Variants in ZMAT1 observed in about 807,000 individuals in gnomAD.
ZMAT1 encodes zinc finger matrin-type protein 1.
Under a neutral mutation model 18.5 loss-of-function variants are expected in ZMAT1, and 11 were observed. The ratio of observed to expected loss-of-function variants is 0.59; its 90% CI spans 0.37 to 0.98. The LOEUF is 0.98. ZMAT1 is among the 50% of genes least tolerant of loss of function. ZMAT1 has a pLI of 0.01. For missense variants in ZMAT1, 525 were observed against 496.2 expected (o/e 1.06, Z -0.55); for synonymous variants, 211 against 176.4 (o/e 1.20, Z -1.55).
chrX:101,932,025 G>A lies in ZMAT1; in HGVS notation c.-17C>T, dbSNP rs781759715. On this transcript the variant is annotated 5_prime_UTR_variant, in exon 1 of 6. Transcript: ENST00000651725. The stretch of plus-strand genomic sequence containing the variant: ...CGCCGCCATCGCAGCGAGGCGCGCG[G>A]ACAATTGCACTTGCGTCTCGATTCC... The A allele has an allele frequency of 8.4e-4, 645 of 764,900 alleles. 1 individual carries two copies. The highest frequency in any genetic ancestry group is 1.2e-3 in the South Asian group (20 of 16,657). 63.0% of individuals were successfully genotyped at this position (764,900 alleles called of 1,213,427 possible).
At chrX:101,929,791 G>C (rs1930367043) in intron 1 of ZMAT1, among the ~76,000 whole-genome samples, 1 of 111,438 alleles carries the variant, frequency 9.0e-6, no homozygotes, top group Admixed American at 9.6e-5. Context: ...CTAGTGCACA[G>C]CCATGGAAAT....
intron 4 of ZMAT1, chrX:101,895,802 C>G (rs1357955761): frequency 1.3e-6 from 1 of 747,474 alleles, no homozygotes; most frequent in Non-Finnish European, 1.6e-6. Flanking sequence ...ATAGTCTTGT[C>G]TTTAATCCCA....
intron 1 of ZMAT1, among the ~76,000 whole-genome samples, chrX:101,927,374 C>T (rs937239003): frequency 8.9e-6 from 1 of 111,940 alleles, no homozygotes; most frequent in Non-Finnish European, 1.9e-5. Flanking sequence ...ATGATGACCA[C>T]TCACAGCTAT....
In ZMAT1 at chrX:101,884,136, C is replaced by T. The variant is rs199542382; in HGVS notation, c.1462G>A (p.Val488Ile). Residue 488 changes from valine (V) to isoleucine (I), a missense_variant, in exon 6 of 6, where the codon GTT becomes ATT. Val to Ile is a conservative substitution (Grantham distance 29). Transcript: ENST00000651725. The stretch of plus-strand genomic sequence containing the variant: ...ATTCTATGTCTGGGTCTGACATCAA[C>T]CATTTCTCTGTTCCTGTGTGTTTCT... ...SVETHRNREM[V>I]DVRPRHRMLE... 7.1e-5 allele frequency: 86 copies of T among 1,208,620 alleles called. No individual in the cohort carries two copies. Among genetic ancestry groups the T allele is most frequent in the Non-Finnish European group, 8.6e-5 (77 of 894,982 alleles).
At chrX:101,902,920 ATG>A (rs755859102) in intron 2 of ZMAT1, among the ~76,000 whole-genome samples, 11 of 110,823 alleles carry the variant, frequency 9.9e-5, no homozygotes, top group African/African-American at 2.0e-4. Flanking sequence ...GCATGTGTAT[ATG>A]TGTGTGTGTG....
rs773193681 is a variant in ZMAT1 at position 101,893,597 on chromosome X, A to C, written c.676+4271T>G. Among the ~76,000 whole-genome samples, 4 of 111,983 alleles carry C rather than the reference A, an allele frequency of 3.6e-5. No homozygotes were observed. In the East Asian group the frequency reaches 1.1e-3, roughly 31 times the overall value. On this transcript the variant is annotated intron_variant, in intron 4 of 5. Transcript: ENST00000651725. ...GCATGTATTAAGCTAATCTCTATTG[A>C]AGTGGTCCTATTTCTGTGCGAGTTT... is the stretch of plus-strand genomic sequence containing the variant.
chrX:101,929,016 ATTTCT>A (rs951291506), intron 1 of ZMAT1, among the ~76,000 whole-genome samples: 1 of 110,690 alleles, frequency 9.0e-6, no homozygotes, highest in Non-Finnish European at 1.9e-5. Flanking sequence ...TTCAGATGGC[ATTTCT>A]TTTCTTTCTT....
chrX:101,894,725 T>C lies in ZMAT1; in HGVS notation c.676+3143A>G, dbSNP rs943492729. 1.1e-5 allele frequency: 8 copies of C among 747,826 alleles called. No individual in the cohort carries two copies. The Admixed American group carries it at 4.5e-4, about 42-fold the overall frequency. 61.6% of individuals were successfully genotyped at this position (747,826 alleles called of 1,213,427 possible). A position where few individuals can be genotyped will look rare whatever the true frequency, so the allele number is the denominator to read the frequency against. On this transcript the variant is annotated intron_variant, in intron 4 of 5. Coordinates refer to ENST00000651725, the MANE Select transcript of ZMAT1 (RefSeq NM_001394560.1). ...ACAGAAATAGAGAAGAACCAGAGCA[T>C]AAAGAGTTACATATGACAAAGAATA...
rs752718406 is a variant in ZMAT1 at position 101,904,320 on chromosome X, C to T, written c.303G>A (p.Trp101Ter). 8.4e-7 allele frequency: 1 copy of T among 1,194,519 alleles called. No homozygotes were observed. The highest frequency in any genetic ancestry group is 1.1e-6 in the Non-Finnish European group (1 of 885,954). Residue 101 changes from tryptophan (W) to a stop codon, truncating the protein, a stop_gained, in exon 2 of 6, where the codon TGG becomes TGA. Transcript: ENST00000651725. LOFTEE classifies it high-confidence loss of function. ...TRPCLREDAIWNEQEKAELFT... is the reference protein window; with the variant it reads ...TRPCLREDAI ...AAAGTTCAGCCTTTTCCTGTTCATT[C>T]CAAATGGCGTCTGTGAATAAAAAAG...
chrX:101,884,326 T>G lies in ZMAT1; in HGVS notation c.1272A>C (p.Pro424=). Residue 424 remains proline, a synonymous_variant, in exon 6 of 6, where the codon CCA becomes CCC. Transcript: ENST00000651725. ...SHEASQTYQR[P]YHISPVESQL... ...GGCTTTCCACTGGTGAAATATGGTA[T>G]GGTCGTTGGTAGGTCTGGGAAGCCT... 8.3e-7 allele frequency: 1 copy of G among 1,210,987 alleles called. No individual in the cohort carries two copies. Among genetic ancestry groups the G allele is most frequent in the Non-Finnish European group, 1.1e-6 (1 of 895,200 alleles).
At chrX:101,917,024 A>G (rs1315290061) in intron 1 of ZMAT1, among the ~76,000 whole-genome samples, 1 of 112,115 alleles carries the variant, frequency 8.9e-6, no homozygotes, top group Admixed American at 9.4e-5. Context: ...ATCTCTATAT[A>G]CAAAATTCAA....
rs1248058668 is a variant in ZMAT1, at chrX:101,929,445, A to G, written c.292+2272T>C. Reference sequence around the variant, plus strand: ...AGATTATATATATATATATATATATATATATATATATACACACAGAGAGAG... The same window carrying G: ...AGATTATATATATATATATATATATGTATATATATATACACACAGAGAGAG... On this transcript the variant is annotated intron_variant, in intron 1 of 5. Transcript: ENST00000651725. 3.4e-5 allele frequency among the ~76,000 whole-genome samples: 3 copies of G among 86,995 alleles called. No individual in the cohort carries two copies. The East Asian group carries it at 9.6e-4, about 28-fold the overall frequency. 75.5% of individuals were successfully genotyped at this position (86,995 alleles called of 115,157 possible).
chrX:101,904,355 A>G lies in ZMAT1; in HGVS notation c.293-25T>C, dbSNP rs552113105. 1.1e-5 allele frequency: 11 copies of G among 1,017,647 alleles called. No homozygotes were observed. In the South Asian group the frequency reaches 1.5e-4, roughly 14 times the overall value. The allele number at this position is 1,017,647 out of a possible 1,213,427, so 83.9% of individuals were successfully genotyped here. A position where few individuals can be genotyped will look rare whatever the true frequency, so the allele number is the denominator to read the frequency against. On this transcript the variant is annotated intron_variant, in intron 1 of 5. Coordinates refer to ENST00000651725, the MANE Select transcript of ZMAT1 (RefSeq NM_001394560.1). Reference sequence around the variant, plus strand: ...TCTGTGAATAAAAAAGGGAAGACAAATATATCACATTAATAAATATTTAGA... The same window carrying G: ...TCTGTGAATAAAAAAGGGAAGACAAGTATATCACATTAATAAATATTTAGA...
intron 1 of ZMAT1, among the ~76,000 whole-genome samples, chrX:101,918,335 G>A (rs1353064422): frequency 9.1e-6 from 1 of 110,279 alleles, no homozygotes; most frequent in Non-Finnish European, 1.9e-5. Flanking sequence ...GCCGGGCATG[G>A]TGGCTCATGC....
intron 1 of ZMAT1, among the ~76,000 whole-genome samples, chrX:101,922,921 C>G (rs1464917339): frequency 9.0e-6 from 1 of 111,397 alleles, no homozygotes; most frequent in East Asian, 2.8e-4. Flanking sequence ...AAAGGCCAGC[C>G]TCAGGGAGCA....
chrX:101,906,713 A>G (rs1928645775), intron 1 of ZMAT1, among the ~76,000 whole-genome samples: 1 of 109,399 alleles, frequency 9.1e-6, no homozygotes, highest in Non-Finnish European at 1.9e-5. Flanking sequence ...GCCCCCAGGG[A>G]CCTAGCCTCT....
intron 1 of ZMAT1, among the ~76,000 whole-genome samples, chrX:101,910,399 G>A (rs935403438): frequency 2.7e-5 from 3 of 112,144 alleles, no homozygotes; most frequent in Admixed American, 9.4e-5. Flanking sequence ...ACACCATTCC[G>A]AAAAACATGA....
chrX:101,902,584 G>T (rs750958098), intron 2 of ZMAT1, among the ~76,000 whole-genome samples: 18 of 111,270 alleles, frequency 1.6e-4, no homozygotes, highest in Non-Finnish European at 3.0e-4. Flanking sequence ...CAATAGAGGT[G>T]CCACTACAAA....
rs1468029500 is a variant in ZMAT1 at position 101,894,467 on chromosome X, C to T, written c.676+3401G>A. On this transcript the variant is annotated intron_variant, in intron 4 of 5. Transcript: ENST00000651725. ...GTTCATAGTTACCTGTGGGTTTCTA[C>T]TTTGAATGACTAGGTGGATTTGAAA... 5.3e-6 allele frequency: 4 copies of T among 753,424 alleles called. No individual in the cohort carries two copies. In the South Asian group the frequency reaches 2.7e-4, roughly 51 times the overall value. The allele number at this position is 753,424 out of a possible 1,213,427, so 62.1% of individuals were successfully genotyped here.
Sources: gnomAD v4.1 joint callset for allele counts (sites outside exome capture counted in the v4.1 genomes callset) on GRCh38, gnomAD v4.1.1 for gene constraint, MANE v1.5 for transcripts, NCBI Gene and HGNC (gene_info 2026-07-23, HGNC 2026-07-21) for gene names.